TRPM3: variants seen among roughly 807,000 people sequenced by gnomAD.
The protein encoded by TRPM3 is transient receptor potential cation channel subfamily M member 3, also known as long transient receptor potential channel 3.
Under a neutral mutation model 181.2 loss-of-function variants are expected in TRPM3, and 77 were observed. That is an observed-to-expected ratio of 0.42 (90% CI 0.35 to 0.51). The LOEUF (loss-of-function observed/expected upper bound fraction) is 0.51, where lower values mean the gene tolerates loss of function less well. Ranked by LOEUF, TRPM3 falls within the 20% of genes least tolerant of loss-of-function variation. The pLI, the probability that TRPM3 is intolerant of heterozygous loss-of-function variation, is 0.01. For missense variants in TRPM3, 1,759 were observed against 2,196.7 expected (o/e 0.80, Z 3.98); for synonymous variants, 745 against 796.4 (o/e 0.94, Z 1.09).
intron 8 of TRPM3, among the ~76,000 whole-genome samples, chr9:70,755,124 T>A (rs1464808571): frequency 6.6e-6 from 1 of 152,108 alleles, no homozygotes; most frequent in Non-Finnish European, 1.5e-5. Flanking sequence ...TTGTTGCTTC[T>A]TAAGAACACA....
At chr9:70,849,635 T>A (rs2095142999) in intron 3 of TRPM3, among the ~76,000 whole-genome samples, 1 of 152,180 alleles carries the variant, frequency 6.6e-6, no homozygotes, top group Admixed American at 6.5e-5. Flanking sequence ...CACTGGACAA[T>A]ACAGCATATA....
chr9:71,017,059 T>C (rs1480115212), intron 1 of TRPM3, among the ~76,000 whole-genome samples: 1 of 152,156 alleles, frequency 6.6e-6, no homozygotes, highest in Non-Finnish European at 1.5e-5. Context: ...GTGCCAGATA[T>C]GTCTATATAC....
intron 9 of TRPM3, among the ~76,000 whole-genome samples, chr9:70,671,371 G>C (rs2062887014): frequency 6.6e-6 from 1 of 152,064 alleles, no homozygotes; most frequent in African/African-American, 2.4e-5. Flanking sequence ...GAGGAGCCTA[G>C]TGGGGAAAGC....
intron 1 of TRPM3, among the ~76,000 whole-genome samples, chr9:71,443,009 G>A (rs895892508): frequency 6.6e-6 from 1 of 152,112 alleles, no homozygotes; most frequent in Non-Finnish European, 1.5e-5. Flanking sequence ...TTAATATCCA[G>A]AAACTTAATT....
intron 22 of TRPM3, among the ~76,000 whole-genome samples, chr9:70,590,322 C>A (rs149391334): frequency 6.6e-6 from 1 of 152,240 alleles, no homozygotes; most frequent in East Asian, 1.9e-4. Context: ...TACAGAGAAT[C>A]GGCATCTATT....
At chr9:71,093,620 C>G (rs182743372) in intron 1 of TRPM3, among the ~76,000 whole-genome samples, 1 of 152,144 alleles carries the variant, frequency 6.6e-6, no homozygotes, top group Admixed American at 6.6e-5. Flanking sequence ...GAAATAGGAA[C>G]GCTTTTAAAC....
chr9:71,337,726 T>A (rs117345082), intron 1 of TRPM3, among the ~76,000 whole-genome samples: 1 of 152,044 alleles, frequency 6.6e-6, no homozygotes, highest in Non-Finnish European at 1.5e-5. Flanking sequence ...ATATGGCAAA[T>A]GTACACTATG....
chr9:70,660,751 C>T (rs1383651459), intron 9 of TRPM3, among the ~76,000 whole-genome samples: 1 of 151,734 alleles, frequency 6.6e-6, no homozygotes, highest in Non-Finnish European at 1.5e-5. Flanking sequence ...GAAATAGAAA[C>T]CCTGAAAAGA....
chr9:70,928,977 A>G (rs2096748160), intron 1 of TRPM3, among the ~76,000 whole-genome samples: 3 of 152,176 alleles, frequency 2.0e-5, no homozygotes, highest in Non-Finnish European at 2.9e-5. Context: ...GAGAATTATT[A>G]TGATTCCCAG....
intron 1 of TRPM3, among the ~76,000 whole-genome samples, chr9:70,980,885 C>A (rs985786313): frequency 3.9e-5 from 6 of 152,180 alleles, no homozygotes; most frequent in Admixed American, 2.0e-4. Flanking sequence ...CTCTTCTCCC[C>A]ACCTTTCCAT....
At chr9:70,550,561 G>T (rs1259717525) in intron 24 of TRPM3, among the ~76,000 whole-genome samples, 1 of 152,220 alleles carries the variant, frequency 6.6e-6, no homozygotes, top group Non-Finnish European at 1.5e-5. Context: ...AGTAGAAAGA[G>T]CCCAGTGGAA....
At chr9:71,032,035 T>TATATATATAATATA (rs2057465519) in intron 1 of TRPM3, among the ~76,000 whole-genome samples, 1 of 184 alleles carries the variant, frequency 5.4e-3, no homozygotes, top group African/African-American at 0.017. Context: ...ATAATATAAA[T>TATATATATAATATA]ATATATATAT....
At chr9:71,039,208 C>T (rs2058551470) in intron 1 of TRPM3, among the ~76,000 whole-genome samples, 1 of 152,128 alleles carries the variant, frequency 6.6e-6, no homozygotes, top group African/African-American at 2.4e-5. Context: ...TGAACCTTCC[C>T]TCTGAACTTT....
At chr9:70,744,414 T>C (rs1025903378) in intron 8 of TRPM3, among the ~76,000 whole-genome samples, 33 of 152,100 alleles carry the variant, frequency 2.2e-4, no homozygotes, top group African/African-American at 8.0e-4. Context: ...TCTTCCCCAA[T>C]CTGTTTCATT....
chr9:71,401,456 T>C (rs1328445095), intron 1 of TRPM3, among the ~76,000 whole-genome samples: 2 of 152,078 alleles, frequency 1.3e-5, no homozygotes, highest in African/African-American at 4.8e-5. Context: ...GGACAGTAAA[T>C]AAACCCATCT....
intron 1 of TRPM3, among the ~76,000 whole-genome samples, chr9:71,255,287 T>A (rs1259621116): frequency 6.6e-6 from 1 of 152,206 alleles, no homozygotes; most frequent in African/African-American, 2.4e-5. Flanking sequence ...GCTAAATGGT[T>A]AGTCAAGAAT....
Position 71,198,908 on chromosome 9 carries a change from C to T in TRPM3, c.183+247745G>A, listed in dbSNP as rs76869920. ...GCCCTGGCCAGAACTTCCAACACTACGTTGAATAGGAGTGGTGAGAGAGGG... is the reference window on the plus strand; with the variant it reads ...GCCCTGGCCAGAACTTCCAACACTATGTTGAATAGGAGTGGTGAGAGAGGG... On this transcript the variant is annotated intron_variant, in intron 1 of 24. Transcript: ENST00000357533. Among the ~76,000 whole-genome samples the T allele has an allele frequency of 2.6e-3, 265 of 100,132 alleles. 15 individuals are homozygous for T. The highest frequency in any genetic ancestry group is 7.5e-3 in the East Asian group (21 of 2,812). 65.7% of individuals were successfully genotyped at this position (100,132 alleles called of 152,430 possible). A position where few individuals can be genotyped will look rare whatever the true frequency, so the allele number is the denominator to read the frequency against.
intron 1 of TRPM3, chr9:70,868,845 A>G (rs2095717017): frequency 4.4e-6 from 1 of 227,008 alleles, no homozygotes; most frequent in South Asian, 1.6e-4. Flanking sequence ...AACATCCCCA[A>G]CCCAAAGGTA....
intron 1 of TRPM3, among the ~76,000 whole-genome samples, chr9:70,901,774 G>A (rs564022829): frequency 6.6e-6 from 1 of 152,102 alleles, no homozygotes; most frequent in Admixed American, 6.5e-5. Flanking sequence ...TAGAAAGGAG[G>A]CAGATTTTGT....
Sources: gnomAD v4.1 joint callset for allele counts (sites outside exome capture counted in the v4.1 genomes callset) on GRCh38, gnomAD v4.1.1 for gene constraint, MANE v1.5 for transcripts, NCBI Gene and HGNC (gene_info 2026-07-23, HGNC 2026-07-21) for gene names.